The following TYK2 variants were observed in gnomAD, a reference collection of about 807,000 sequenced individuals.
TYK2 encodes the protein non-receptor tyrosine-protein kinase TYK2.
Under a neutral mutation model 130.9 loss-of-function variants are expected in TYK2, and 65 were observed. That is an observed-to-expected ratio of 0.50 (90% CI 0.41 to 0.61). The LOEUF (loss-of-function observed/expected upper bound fraction) is 0.61. Among genes scored for constraint, TYK2 ranks in the 20% least tolerant of loss-of-function variants. The pLI is 0.00. For missense variants in TYK2, 1,378 were observed against 1,610.7 expected, an observed-to-expected ratio of 0.86 and a Z score of 2.47; for synonymous variants, 647 against 658.9, an observed-to-expected ratio of 0.98 and a Z score of 0.28.
chr19:10,357,421 T>C (rs12720302), intron 17 of TYK2: 66,834 of 674,946 alleles, frequency 0.099, 3,985 homozygotes, highest in African/African-American at 0.21. Flanking sequence ...TGAACCTCCT[T>C]TGGGAAGCCT....
chr19:10,367,223 A>G (rs2041702551), intron 5 of TYK2, among the ~76,000 whole-genome samples: 1 of 152,118 alleles, frequency 6.6e-6, no homozygotes, highest in Admixed American at 6.6e-5. Context: ...AGGAGGGGAG[A>G]GACCACCATT....
chr19:10,362,690 C>T, intron 9 of TYK2, 33 bp from the exon 10 acceptor site: 6 of 1,534,968 alleles, frequency 3.9e-6, no homozygotes, highest in Non-Finnish European at 2.6e-6. Flanking sequence ...TATCAGGCCA[C>T]CTGGGGCCAC....
At position 10,362,075 on chromosome 19, in the gene TYK2, C is replaced by T; in HGVS notation, c.1773+3G>A. 2 of 1,614,098 alleles carry T rather than the reference C, an allele frequency of 1.2e-6. No homozygotes were observed. The highest frequency in any genetic ancestry group is 1.7e-6 in the Non-Finnish European group (2 of 1,179,994). ...TTGCCCCGGGCCCCTTCCCTGCACC[C>T]ACCTGGGTGATCTCCTTCTGGTCAA... On this transcript the variant is annotated splice_donor_region_variant and intron_variant, in intron 12 of 24. Coordinates refer to ENST00000525621, the MANE Select transcript of TYK2 (RefSeq NM_003331.5).
Position 10,372,482 on chromosome 19 carries a change from A to ATTTT in TYK2, c.194-4065_194-4064insAAAA, listed in dbSNP as rs1264507144. ...GCTATATATATATATATATATATAT[A>ATTTT]TATTTTTTTTTTTTTTTTTTTTTTT... On this transcript the variant is annotated intron_variant, in intron 3 of 24. Coordinates refer to ENST00000525621, the MANE Select transcript of TYK2 (RefSeq NM_003331.5). Among the ~76,000 whole-genome samples the ATTTT allele has an allele frequency of 2.6e-3, 138 of 54,084 alleles. 3 individuals carry two copies. The highest frequency in any genetic ancestry group is 7.8e-3 in the East Asian group (12 of 1,546). 35.5% of individuals were successfully genotyped at this position (54,084 alleles called of 152,430 possible).
rs1158658093 is a variant in TYK2 at position 10,361,497 on chromosome 19, C to T, written c.2047+14G>A. The T allele has an allele frequency of 3.9e-6, 6 of 1,544,610 alleles. No individual in the cohort carries two copies. The highest frequency in any genetic ancestry group is 2.4e-5 in the East Asian group (1 of 40,932). ...GCCTGCCAAAGGGGGATGGGTATGG[C>T]GGGACCCACTCACTTTCAGGGCCGC... On this transcript the variant is annotated intron_variant, in intron 14 of 24. Transcript: ENST00000525621. The surrounding 1 kb of genome is among the most constrained non-coding windows in gnomAD (Gnocchi z 4.0).
chr19:10,358,084 G>A lies in TYK2; in HGVS notation c.2230C>T (p.Arg744Trp), dbSNP rs142676100. The A allele has an allele frequency of 1.9e-5, 30 of 1,612,552 alleles. No homozygotes were observed. The highest frequency in any genetic ancestry group is 1.1e-4 in the African/African-American group (8 of 74,868). ...CTGGTGCCCTCTGCCAACCCCAGCC[G>A]GGCCAGCAGGATGTTCCGGCCACAC... ...NVCGRNILLA[R>W]LGLAEGTSPF... The change falls in exon 16 of 25, where the codon CGG (arginine) becomes TGG (tryptophan). Residue 744 changes from arginine to tryptophan, a missense_variant. Physicochemically the swap from Arg to Trp is moderately radical, Grantham distance 101. Transcript: ENST00000525621.
chr19:10,368,284 T>C lies in TYK2; in HGVS notation c.317+11A>G. Reference sequence around the variant, plus strand: ...CAGGAGGGGACGAGCTTTGCAAAGGTCTCCACCCACCTTATGCGGAAATAT... The same window carrying C: ...CAGGAGGGGACGAGCTTTGCAAAGGCCTCCACCCACCTTATGCGGAAATAT... On this transcript the variant is annotated intron_variant, in intron 4 of 24. Transcript: ENST00000525621. 1 of 1,613,918 alleles carries C rather than the reference T, an allele frequency of 6.2e-7. No homozygotes were observed. The highest frequency in any genetic ancestry group is 2.2e-5 in the East Asian group (1 of 44,878).
intron 7 of TYK2, 65 bp from the exon 8 acceptor site, chr19:10,365,113 T>TC: frequency 6.7e-7 from 1 of 1,484,836 alleles, no homozygotes; most frequent in South Asian, 1.3e-5. Context: ...TCCTGCACTT[T>TC]CCCCTGGGGA....
In TYK2 at chr19:10,361,980, A is replaced by G. The variant is rs770872421; in HGVS notation, c.1774-25T>C. On this transcript the variant is annotated intron_variant, in intron 12 of 24. Transcript: ENST00000525621. The surrounding 1 kb of genome is among the most constrained non-coding windows in gnomAD (Gnocchi z 4.0). Reference sequence around the variant, plus strand: ...GCTGCGGGATCATGTGGCACAGAATACCGCCATGGTGAAAGTTAGCAGCTG... The same window carrying G: ...GCTGCGGGATCATGTGGCACAGAATGCCGCCATGGTGAAAGTTAGCAGCTG... The G allele has an allele frequency of 3.7e-6, 6 of 1,613,822 alleles. No individual in the cohort carries two copies. In the East Asian group the frequency reaches 1.1e-4, roughly 30 times the overall value.
In TYK2 at chr19:10,352,514, A is replaced by G. The variant is rs1400535971; in HGVS notation, c.3238T>C (p.Tyr1080His). The change falls in exon 23 of 25, where the codon TAT becomes CAT. Residue 1080 changes from tyrosine (Y) to histidine (H), a missense_variant. Tyr to His is a moderately conservative substitution (Grantham distance 83, BLOSUM62 2). Coordinates refer to ENST00000525621, the MANE Select transcript of TYK2 (RefSeq NM_003331.5). ...PECLKEYKFY[Y>H]ASDVWSFGVT... ...CCGAAGGACCAGACATCTGACGCAT[A>G]GTAGAACTTATACTCCTTCAGGCAC... 2 of 1,594,240 alleles carry G rather than the reference A, an allele frequency of 1.3e-6. No individual in the cohort carries two copies. The highest frequency in any genetic ancestry group is 1.7e-6 in the Non-Finnish European group (2 of 1,168,586).
chr19:10,364,540 G>A lies in TYK2; in HGVS notation c.1367+74C>T. ...AGACGTGCACCTACACACACACCCT[G>A]CACAGCCCCTAGGGCTCACAGTCTA... is the stretch of plus-strand genomic sequence containing the variant. On this transcript the variant is annotated intron_variant, in intron 9 of 24. Coordinates refer to ENST00000525621, the MANE Select transcript of TYK2 (RefSeq NM_003331.5). The surrounding 1 kb of genome is among the most constrained non-coding windows in gnomAD (Gnocchi z 4.9). 3.2e-6 allele frequency: 5 copies of A among 1,544,962 alleles called. No individual in the cohort carries two copies. The highest frequency in any genetic ancestry group is 4.5e-6 in the Non-Finnish European group (5 of 1,121,000).
chr19:10,368,556 C>T, intron 3 of TYK2, 138 bp from the exon 4 acceptor site: 1 of 1,325,258 alleles, frequency 7.5e-7, no homozygotes, highest in Non-Finnish European at 1.1e-6. Context: ...TCACGTTGCC[C>T]CTGGGCAGAG....
Position 10,364,918 on chromosome 19 carries a change from C to G in TYK2, c.1142G>C (p.Arg381Pro). Residue 381 changes from arginine to proline, a missense_variant, in exon 8 of 25, where the codon CGG becomes CCG. By Grantham distance (103) the Arg-to-Pro change is moderately radical (BLOSUM62 -2). Transcript: ENST00000525621. The surrounding 1 kb of genome is among the most constrained non-coding windows in gnomAD (Gnocchi z 4.9). ...EPLWAYFCDF[R>P]DITHVVLKEH... ...TTTCAGCACCACGTGGGTGATGTCC[C>G]GGAAGTCACAGAAGTAGGCCCACAG... The G allele has an allele frequency of 6.2e-7, 1 of 1,614,186 alleles. No individual in the cohort carries two copies. Among genetic ancestry groups the G allele is most frequent in the Non-Finnish European group, 8.5e-7 (1 of 1,180,040 alleles).
intron 15 of TYK2, among the ~76,000 whole-genome samples, 153 bp from the exon 16 acceptor site, chr19:10,358,291 C>CTTTTTTTTT (rs2041211470): frequency 5.9e-5 from 7 of 118,614 alleles, no homozygotes; most frequent in African/African-American, 2.5e-4. Flanking sequence ...TTATTTTTTT[C>CTTTTTTTTT]TTGTTTTTTT....
intron 5 of TYK2, among the ~76,000 whole-genome samples, chr19:10,367,781 A>G (rs1466065743): frequency 6.8e-6 from 1 of 146,146 alleles, no homozygotes; most frequent in Non-Finnish European, 1.5e-5. Context: ...TTAGCTGGGC[A>G]TGGTGGCGGG....
chr19:10,352,730 G>A (rs951592189), intron 22 of TYK2, among the ~76,000 whole-genome samples, 179 bp from the exon 23 acceptor site: 1 of 152,068 alleles, frequency 6.6e-6, no homozygotes, highest in Non-Finnish European at 1.5e-5. Flanking sequence ...TGGCTAGGCC[G>A]GGTTAACCCC....
In TYK2 at chr19:10,368,351, T is replaced by G. The variant is rs138055823; in HGVS notation, c.261A>C (p.Pro87=). 5 of 1,614,084 alleles carry G rather than the reference T, an allele frequency of 3.1e-6. No individual in the cohort carries two copies. In the African/African-American group the frequency reaches 6.7e-5, roughly 22 times the overall value. The change falls in exon 4 of 25, where the codon CCA becomes CCC. Residue 87 remains proline (P), a synonymous_variant. Coordinates refer to ENST00000525621, the MANE Select transcript of TYK2 (RefSeq NM_003331.5). ...FDAQAQVWLP[P]NHILEIPRDA... ...CTCTGGGGATCTCTAGGATGTGGTTTGGGGGCAACCAGACTTGGGCCTGAG... is the reference window on the plus strand; with the variant it reads ...CTCTGGGGATCTCTAGGATGTGGTTGGGGGGCAACCAGACTTGGGCCTGAG...
chr19:10,368,478 AC>A (rs902457736), intron 3 of TYK2, 60 bp from the exon 4 acceptor site: 13 of 1,608,888 alleles, frequency 8.1e-6, no homozygotes, highest in Admixed American at 6.7e-5. Context: ...AGCCCCAAAG[AC>A]CCCCCAGACC....
chr19:10,359,677 C>A (rs1210160538), intron 14 of TYK2, among the ~76,000 whole-genome samples: 3 of 149,800 alleles, frequency 2.0e-5, no homozygotes, highest in Non-Finnish European at 4.4e-5. Flanking sequence ...GAAACTCCAT[C>A]ACTACTAAAA....
Sources: allele counts gnomAD v4.1 joint callset (sites outside exome capture counted in the v4.1 genomes callset), GRCh38; gene constraint gnomAD v4.1.1; non-coding constraint Gnocchi (gnomAD v3.1); transcripts MANE v1.5; gene names NCBI Gene and HGNC (gene_info 2026-07-23, HGNC 2026-07-21).